GRID2: variants seen among roughly 807,000 people sequenced by gnomAD.
GRID2 encodes glutamate receptor ionotropic, delta-2.
GRID2 carries 33 observed loss-of-function variants against 114.8 expected under a neutral mutation model. The ratio of observed to expected loss-of-function variants is 0.29; its 90% confidence interval spans 0.22 to 0.38. The LOEUF (loss-of-function observed/expected upper bound fraction) is 0.38. Ranked by LOEUF, GRID2 falls within the 10% of genes least tolerant of loss-of-function variation. The pLI is 1.00. For missense variants in GRID2, 1,184 were observed against 1,257.7 expected, an observed-to-expected ratio of 0.94 and a Z score of 0.89; for synonymous variants, 505 against 449.9, an observed-to-expected ratio of 1.12 and a Z score of -1.55.
intron 8 of GRID2, among the ~76,000 whole-genome samples, chr4:93,290,316 G>A (rs1427142198): frequency 1.3e-5 from 2 of 152,056 alleles, no homozygotes; most frequent in East Asian, 3.8e-4. Flanking sequence ...AGAGGTGTTC[G>A]GATAGAGCTG....
At chr4:93,351,299 A>C (rs1034820891) in intron 8 of GRID2, among the ~76,000 whole-genome samples, 1 of 152,072 alleles carries the variant, frequency 6.6e-6, no homozygotes, top group Non-Finnish European at 1.5e-5. Flanking sequence ...TTGGCTCTGC[A>C]TGCAAACAGG....
chr4:92,589,369 G>GTA (rs1484268675), intron 1 of GRID2, among the ~76,000 whole-genome samples: 2 of 152,160 alleles, frequency 1.3e-5, no homozygotes, highest in Non-Finnish European at 2.9e-5. Flanking sequence ...GCTCAAGGTC[G>GTA]TATACTTAAC....
chr4:92,848,670 C>T (rs1189103482), intron 2 of GRID2, among the ~76,000 whole-genome samples: 1 of 151,872 alleles, frequency 6.6e-6, no homozygotes, highest in African/African-American at 2.4e-5. Context: ...TCATTACCAC[C>T]TGAGAATTTA....
intron 4 of GRID2, among the ~76,000 whole-genome samples, chr4:93,158,571 T>C (rs1218298143): frequency 1.3e-5 from 2 of 151,714 alleles, no homozygotes; most frequent in Non-Finnish European, 3.0e-5. Flanking sequence ...ATATTTGCAT[T>C]TTTTTTGTAA....
intron 2 of GRID2, among the ~76,000 whole-genome samples, chr4:93,035,421 A>G (rs1012499461): frequency 6.6e-6 from 1 of 151,932 alleles, no homozygotes; most frequent in Non-Finnish European, 1.5e-5. Context: ...GCCTTTAACT[A>G]GTTTTATCTT....
chr4:92,888,981 C>T (rs1746561591), intron 2 of GRID2, among the ~76,000 whole-genome samples: 1 of 151,814 alleles, frequency 6.6e-6, no homozygotes, highest in African/African-American at 2.4e-5. Context: ...TTTCCTTTAT[C>T]TTCTCTTATT....
At chr4:93,279,234 T>C (rs1445497611) in intron 8 of GRID2, among the ~76,000 whole-genome samples, 1 of 151,742 alleles carries the variant, frequency 6.6e-6, no homozygotes, top group East Asian at 1.9e-4. Flanking sequence ...TTAATAAAAT[T>C]TTTACTTTAA....
intron 8 of GRID2, among the ~76,000 whole-genome samples, chr4:93,392,022 GA>G (rs1764905102): frequency 6.6e-6 from 1 of 152,112 alleles, no homozygotes; most frequent in Non-Finnish European, 1.5e-5. Flanking sequence ...AAAGGAAATT[GA>G]ATTGGGTTTA....
At chr4:93,683,967 A>G (rs978026755) in intron 14 of GRID2, among the ~76,000 whole-genome samples, 3 of 152,114 alleles carry the variant, frequency 2.0e-5, no homozygotes, top group African/African-American at 4.8e-5. Flanking sequence ...GGGATTTTGC[A>G]GTAGAGGAGA....
At chr4:92,459,448 G>C (rs781577719) in intron 1 of GRID2, among the ~76,000 whole-genome samples, 6 of 152,108 alleles carry the variant, frequency 3.9e-5, no homozygotes, top group Non-Finnish European at 8.8e-5. Flanking sequence ...TCAATATTTA[G>C]TTGGACAACT....
At chr4:93,102,634 T>C (rs1245826007) in intron 3 of GRID2, among the ~76,000 whole-genome samples, 5 of 151,568 alleles carry the variant, frequency 3.3e-5, no homozygotes, top group Non-Finnish European at 4.4e-5. Context: ...ACCTAGAGAG[T>C]TGGGCACATG....
chr4:92,516,973 C>T (rs1724531271), intron 1 of GRID2, among the ~76,000 whole-genome samples: 1 of 151,730 alleles, frequency 6.6e-6, no homozygotes, highest in Non-Finnish European at 1.5e-5. Flanking sequence ...TAATAAGCAC[C>T]ATTAACAAGG....
chr4:93,001,661 G>C lies in GRID2; in HGVS notation c.245-83334G>C, dbSNP rs370880487. ...GTATTGAAACATTTAATATCCAAATGAATGATGGTCATGGGTTAAAGGAAA... is the reference window on the plus strand; with the variant it reads ...GTATTGAAACATTTAATATCCAAATCAATGATGGTCATGGGTTAAAGGAAA... On this transcript the variant is annotated intron_variant, in intron 2 of 15. Transcript: ENST00000282020. 1.1e-4 allele frequency among the ~76,000 whole-genome samples: 16 copies of C among 151,762 alleles called. 1 individual carries two copies. Among genetic ancestry groups the C allele is most frequent in the African/African-American group, 3.9e-4 (16 of 41,518 alleles).
At chr4:92,598,636 A>T (rs760097000) in intron 2 of GRID2, among the ~76,000 whole-genome samples, 6 of 152,124 alleles carry the variant, frequency 3.9e-5, no homozygotes, top group Admixed American at 2.6e-4. Flanking sequence ...CCTTGAACAC[A>T]CCTACTATTT....
chr4:93,514,442 C>CACACACAG (rs1246904408), intron 12 of GRID2, among the ~76,000 whole-genome samples: 1 of 151,692 alleles, frequency 6.6e-6, no homozygotes, highest in South Asian at 2.1e-4. Flanking sequence ...CACACACACA[C>CACACACAG]ACACACACAC....
At chr4:93,688,900 A>G (rs1025426311) in intron 14 of GRID2, among the ~76,000 whole-genome samples, 1 of 152,066 alleles carries the variant, frequency 6.6e-6, no homozygotes, top group Non-Finnish European at 1.5e-5. Context: ...TACTTGTTAC[A>G]GGCAAAATTG....
At chr4:93,300,901 G>T (rs1332153355) in intron 8 of GRID2, among the ~76,000 whole-genome samples, 2 of 152,182 alleles carry the variant, frequency 1.3e-5, no homozygotes, top group Admixed American at 6.5e-5. Context: ...GAGAGAAACA[G>T]AACAGGGCAG....
At chr4:93,567,989 C>A (rs1194098315) in intron 13 of GRID2, among the ~76,000 whole-genome samples, 1 of 152,148 alleles carries the variant, frequency 6.6e-6, no homozygotes, top group Admixed American at 6.6e-5. Flanking sequence ...CTTATGAAAT[C>A]CTTTATTTAT....
intron 2 of GRID2, among the ~76,000 whole-genome samples, chr4:92,774,233 T>C (rs1738678579): frequency 6.6e-6 from 1 of 151,976 alleles, no homozygotes; most frequent in African/African-American, 2.4e-5. Flanking sequence ...GGGTGAGGCA[T>C]GGGATAGGCC....
Sources: gnomAD v4.1 joint callset for allele counts (sites outside exome capture counted in the v4.1 genomes callset) on GRCh38, gnomAD v4.1.1 for gene constraint, MANE v1.5 for transcripts, NCBI Gene and HGNC (gene_info 2026-07-23, HGNC 2026-07-21) for gene names.